The following WWOX variants were observed in gnomAD, a reference collection of about 807,000 sequenced individuals.
The protein encoded by WWOX is WW domain-containing oxidoreductase.
Under a neutral mutation model 46.2 loss-of-function variants are expected in WWOX, and 69 were observed. That is an observed-to-expected ratio of 1.49 (90% confidence interval 1.23 to 1.82). The LOEUF (loss-of-function observed/expected upper bound fraction) is 1.82, where lower values mean the gene tolerates loss of function less well. Ranked by LOEUF, WWOX falls within the 40% of genes most tolerant of loss-of-function variation. The probability of loss-of-function intolerance (pLI) is 0.00; values close to 1 mark genes in which losing one functional copy is unlikely to be tolerated. For synonymous variants in WWOX, 359 were observed against 202.6 expected, an observed-to-expected ratio of 1.77 and a Z score of -6.56; for missense variants, 919 against 542.6, an observed-to-expected ratio of 1.69 and a Z score of -6.89.
chr16:78,444,477 A>G (rs1432867799), intron 8 of WWOX, among the ~76,000 whole-genome samples: 2 of 151,580 alleles, frequency 1.3e-5, no homozygotes, highest in Non-Finnish European at 2.9e-5. Flanking sequence ...AAGAGAATGG[A>G]TATTTTCATG....
At chr16:78,605,149 G>C (rs1006944567) in intron 8 of WWOX, among the ~76,000 whole-genome samples, 6 of 148,902 alleles carry the variant, frequency 4.0e-5, no homozygotes, top group East Asian at 2.0e-4. Flanking sequence ...TTCTCTACTA[G>C]ACCTTCAAAG....
chr16:78,301,009 C>T (rs1002176854), intron 5 of WWOX, among the ~76,000 whole-genome samples: 1 of 152,046 alleles, frequency 6.6e-6, no homozygotes, highest in Admixed American at 6.6e-5. Context: ...TCCATCCATC[C>T]ATCCATCCAT....
chr16:79,198,349 TAAAGA>T (rs910466186), intron 8 of WWOX, among the ~76,000 whole-genome samples: 8 of 151,882 alleles, frequency 5.3e-5, no homozygotes, highest in Non-Finnish European at 7.4e-5. Flanking sequence ...AAGAGAAAAG[TAAAGA>T]AAAGAAAAGA....
chr16:78,517,642 C>A (rs924264554), intron 8 of WWOX, among the ~76,000 whole-genome samples: 1 of 152,044 alleles, frequency 6.6e-6, no homozygotes, highest in Admixed American at 6.6e-5. Flanking sequence ...AAGTCCTCAG[C>A]GCTCCCCGCA....
chr16:79,128,491 G>A (rs187145572), intron 8 of WWOX, among the ~76,000 whole-genome samples: 43 of 152,210 alleles, frequency 2.8e-4, no homozygotes, highest in African/African-American at 8.9e-4. Context: ...AAGGCTCAGA[G>A]AGGTTAAATA....
intron 8 of WWOX, chr16:78,892,336 C>G (rs1458539626): frequency 2.6e-5 from 4 of 152,174 alleles, no homozygotes; most frequent in African/African-American, 9.7e-5. Context: ...GGCTTCTGCA[C>G]CTGTGTGCGT....
intron 8 of WWOX, among the ~76,000 whole-genome samples, chr16:78,911,699 C>G (rs1410938529): frequency 2.6e-5 from 4 of 151,938 alleles, no homozygotes; most frequent in African/African-American, 9.7e-5. Flanking sequence ...AACCCCATCT[C>G]TACTAAAAGT....
At chr16:78,549,399 A>G (rs1261642054) in intron 8 of WWOX, among the ~76,000 whole-genome samples, 2 of 152,126 alleles carry the variant, frequency 1.3e-5, no homozygotes, top group Non-Finnish European at 2.9e-5. Flanking sequence ...ACAGAATATC[A>G]CTTTTTTATA....
At chr16:78,714,391 C>G (rs961765526) in intron 8 of WWOX, among the ~76,000 whole-genome samples, 2 of 151,928 alleles carry the variant, frequency 1.3e-5, no homozygotes, top group African/African-American at 4.8e-5. Context: ...CATCAGATCT[C>G]GTGAGACTTA....
chr16:78,697,467 A>G lies in WWOX; in HGVS notation c.1056+264715A>G, dbSNP rs139763784. Among the ~76,000 whole-genome samples the G allele has an allele frequency of 3.3e-3, 503 of 152,298 alleles. 3 individuals are homozygous for G. Among genetic ancestry groups the G allele is most frequent in the African/African-American group, 0.012 (480 of 41,576 alleles). On this transcript the variant is annotated intron_variant, in intron 8 of 8. Coordinates refer to ENST00000566780, the MANE Select transcript of WWOX (RefSeq NM_016373.4). ...GGAACAGTCAGCAGAGTAAACAGAC[A>G]ACCCGCAGAGTGGGAGAAAATCTAT...
intron 8 of WWOX, among the ~76,000 whole-genome samples, chr16:78,616,314 C>T (rs527548700): frequency 3.9e-5 from 6 of 151,974 alleles, no homozygotes; most frequent in Non-Finnish European, 5.9e-5. Context: ...ATATAAACAA[C>T]GGAAATGTAT....
chr16:78,866,939 C>T (rs990945442), intron 8 of WWOX, among the ~76,000 whole-genome samples: 2 of 152,194 alleles, frequency 1.3e-5, no homozygotes, highest in Non-Finnish European at 2.9e-5. Flanking sequence ...CAAATATGAA[C>T]CCTTGCCACC....
At chr16:78,308,428 A>G (rs1377756176) in intron 5 of WWOX, among the ~76,000 whole-genome samples, 3 of 152,188 alleles carry the variant, frequency 2.0e-5, no homozygotes, top group Non-Finnish European at 2.9e-5. Flanking sequence ...CAGCATTAGC[A>G]TTAAAACAGA....
chr16:78,714,452 A>G (rs888677445), intron 8 of WWOX, among the ~76,000 whole-genome samples: 22 of 151,770 alleles, frequency 1.4e-4, no homozygotes, highest in African/African-American at 5.3e-4. Context: ...TGATTCAGTT[A>G]CCTCCCACCG....
At chr16:78,747,765 G>A (rs1385235003) in intron 8 of WWOX, among the ~76,000 whole-genome samples, 2 of 152,202 alleles carry the variant, frequency 1.3e-5, no homozygotes, top group Non-Finnish European at 2.9e-5. Context: ...CAGAGGAGAT[G>A]CTGCAGCTTG....
chr16:79,031,888 G>GTA, intron 8 of WWOX, among the ~76,000 whole-genome samples: 1 of 67,142 alleles, frequency 1.5e-5, no homozygotes, highest in Non-Finnish European at 3.7e-5. Flanking sequence ...ACAGATATCT[G>GTA]TATACAGATA....
In WWOX at chr16:78,287,801, A is replaced by T. The variant is rs187422153; in HGVS notation, c.517-99059A>T. ...AATTTTTTTTCCTAAACTTAAAAAA[A>T]TTTTTTTAAGATCAATTATGTAATA... On this transcript the variant is annotated intron_variant, in intron 5 of 8. Coordinates refer to ENST00000566780, the MANE Select transcript of WWOX (RefSeq NM_016373.4). Among the ~76,000 whole-genome samples, 102 of 152,304 alleles carry T rather than the reference A, an allele frequency of 6.7e-4. No individual in the cohort carries two copies. In the East Asian group the frequency reaches 0.013, roughly 20 times the overall value.
intron 8 of WWOX, among the ~76,000 whole-genome samples, chr16:78,615,412 G>C (rs991172334): frequency 2.0e-5 from 3 of 152,134 alleles, no homozygotes; most frequent in African/African-American, 7.2e-5. Flanking sequence ...ACGTAGGGAG[G>C]CTGAGGCAGG....
chr16:78,939,131 G>C (rs1169345894), intron 8 of WWOX, among the ~76,000 whole-genome samples: 2 of 152,168 alleles, frequency 1.3e-5, no homozygotes, highest in African/African-American at 4.8e-5. Context: ...CCATTGACTT[G>C]GGCTCGAAGT....
Sources: allele counts gnomAD v4.1 joint callset (sites outside exome capture counted in the v4.1 genomes callset), GRCh38; gene constraint gnomAD v4.1.1; transcripts MANE v1.5; gene names NCBI Gene and HGNC (gene_info 2026-07-23, HGNC 2026-07-21).